Variants in GPR37L1 observed in about 807,000 individuals in gnomAD.
GPR37L1 encodes the protein G protein-coupled receptor 37 like 1.
Under a neutral mutation model 18.0 loss-of-function variants are expected in GPR37L1, and 18 were observed. That is an observed-to-expected ratio of 1.00 (90% CI 0.69 to 1.49). The LOEUF is 1.49. GPR37L1 is among the 40% of genes most tolerant of loss of function. The pLI, the probability that GPR37L1 is intolerant of heterozygous loss-of-function variation, is 0.00. For synonymous variants in GPR37L1, 256 were observed against 273.9 expected (o/e 0.93, Z 0.65); for missense variants, 558 against 615.1 (o/e 0.91, Z 0.98).
Position 202,124,351 on chromosome 1 carries a change from C to T in GPR37L1, c.630+758C>T, listed in dbSNP as rs371861822. Among the ~76,000 whole-genome samples the T allele has an allele frequency of 4.6e-5, 7 of 152,300 alleles. No individual in the cohort carries two copies. The South Asian group carries it at 8.3e-4, about 18-fold the overall frequency. On this transcript the variant is annotated intron_variant, in intron 1 of 1. Coordinates refer to ENST00000367282, the MANE Select transcript of GPR37L1 (RefSeq NM_004767.5). ...CAATTTCTTTATCTCCCAACCAGGG[C>T]GGGTAGACCAGATGGTCCTTCCAGC...
intron 1 of GPR37L1, among the ~76,000 whole-genome samples, chr1:202,126,890 C>A (rs1036491554): frequency 6.7e-6 from 1 of 150,134 alleles, no homozygotes; most frequent in Non-Finnish European, 1.5e-5. Context: ...CCATGTTCCC[C>A]AAGACCATTC....
rs1199628938 is a variant in GPR37L1 at position 202,129,777 on chromosome 1, G to C, written c.*1221G>C. 4 of 152,318 alleles carry C rather than the reference G, an allele frequency of 2.6e-5. No homozygotes were observed. The highest frequency in any genetic ancestry group is 7.2e-5 in the African/African-American group (3 of 41,434). The allele number at this position is 152,318 out of a possible 1,614,324, so 9.4% of individuals were successfully genotyped here. The stretch of plus-strand genomic sequence containing the variant: ...CCTGGCCTAAACCCCATGCTCCTTG[G>C]GAAGTCAAAAGCCTGGAAAATATCT... On this transcript the variant is annotated 3_prime_UTR_variant, in exon 2 of 2. Coordinates refer to ENST00000367282, the MANE Select transcript of GPR37L1 (RefSeq NM_004767.5).
intron 1 of GPR37L1, among the ~76,000 whole-genome samples, chr1:202,126,832 A>AACGT (rs1429111451): frequency 1.2e-5 from 1 of 81,008 alleles, no homozygotes; most frequent in Non-Finnish European, 2.7e-5. Flanking sequence ...CAGGAGCAGA[A>AACGT]ACGTGCGTGT....
chr1:202,124,067 A>C (rs1431778353), intron 1 of GPR37L1, among the ~76,000 whole-genome samples: 1 of 152,102 alleles, frequency 6.6e-6, no homozygotes, highest in Non-Finnish European at 1.5e-5. Context: ...GCCTGAAGGG[A>C]GAGCCCAATT....
intron 1 of GPR37L1, among the ~76,000 whole-genome samples, chr1:202,125,364 T>C (rs1403493902): frequency 2.6e-5 from 4 of 152,084 alleles, no homozygotes; most frequent in East Asian, 1.9e-4. Flanking sequence ...AATTTCCTCA[T>C]TGGTAAATTG....
In GPR37L1 at chr1:202,128,460, G is replaced by C. The variant is rs1304619602; in HGVS notation, c.1350G>C (p.Gly450=). The change falls in exon 2 of 2, where the codon GGG becomes GGC. Residue 450 remains glycine, a synonymous_variant. Coordinates refer to ENST00000367282, the MANE Select transcript of GPR37L1 (RefSeq NM_004767.5). ...CTTCGGAGGCCTCTGCTGCCAATGG[G>C]TCGGACAACAAGCTCAAGACCGAGG... is the stretch of plus-strand genomic sequence containing the variant. ...GGASEASAAN[G]SDNKLKTEVS... is the part of the protein sequence containing the mutation. 2 of 1,610,372 alleles carry C rather than the reference G, an allele frequency of 1.2e-6. No individual in the cohort carries two copies. The highest frequency in any genetic ancestry group is 2.2e-5 in the South Asian group (2 of 90,598).
At position 202,128,724 on chromosome 1, in the gene GPR37L1, TCCTGTCCCTTGTGGGGCCTTCCAAC is replaced by T; in HGVS notation, c.*176_*200del. The stretch of plus-strand genomic sequence containing the variant: ...AAGCCCCCTCCCCACACAGGGCCTT[TCCTGTCCCTTGTGGGGCCTTCCAAC>T]CCTGTCCTTTCCACTGGTGGGCGGT... On this transcript the variant is annotated 3_prime_UTR_variant, in exon 2 of 2. Coordinates refer to ENST00000367282, the MANE Select transcript of GPR37L1 (RefSeq NM_004767.5). 1.0e-5 allele frequency: 6 copies of T among 593,126 alleles called. No homozygotes were observed. The highest frequency in any genetic ancestry group is 1.8e-5 in the Non-Finnish European group (6 of 332,996). The allele number at this position is 593,126 out of a possible 1,614,324, so 36.7% of individuals were successfully genotyped here.
Position 202,126,583 on chromosome 1 carries a change from A to AG in GPR37L1, c.631-1153dup, listed in dbSNP as rs1654664963. On this transcript the variant is annotated intron_variant, in intron 1 of 1. Coordinates refer to ENST00000367282, the MANE Select transcript of GPR37L1 (RefSeq NM_004767.5). ...CAGAAGAGGGAAGAATTTGGACAGG[A>AG]GGGGGATCTGAGCACAATCCCTGAG... Among the ~76,000 whole-genome samples the AG allele has an allele frequency of 2.0e-5, 3 of 152,054 alleles. No homozygotes were observed. In the South Asian group the frequency reaches 6.2e-4, roughly 32 times the overall value.
chr1:202,127,126 A>T (rs568991308), intron 1 of GPR37L1, among the ~76,000 whole-genome samples: 14 of 152,294 alleles, frequency 9.2e-5, no homozygotes, highest in African/African-American at 3.4e-4. Context: ...ATTCATCAGC[A>T]GTGTGGTCCT....
At chr1:202,127,703 ACC>A in intron 1 of GPR37L1, 36 bp from the exon 2 acceptor site, 1 of 1,423,708 alleles carries the variant, frequency 7.0e-7, no homozygotes, top group Admixed American at 2.2e-5. Flanking sequence ...ATAGATTTTG[ACC>A]AAGTGCTTCT....
Position 202,127,809 on chromosome 1 carries a change from C to G in GPR37L1, c.699C>G (p.Thr233=). The change falls in exon 2 of 2, where the codon ACC becomes ACG. Residue 233 remains threonine, a synonymous_variant. Transcript: ENST00000367282. ...GCATTGACCGCTTCCACGTGGCCAC[C>G]AGCACCCTGCCCAAGGTGAGGCCCA... ...ALGIDRFHVA[T]STLPKVRPIE... 6.2e-7 allele frequency: 1 copy of G among 1,612,716 alleles called. No individual in the cohort carries two copies. Among genetic ancestry groups the G allele is most frequent in the South Asian group, 1.1e-5 (1 of 90,864 alleles).
chr1:202,130,704 T>G lies in GPR37L1; in HGVS notation c.*2148T>G, dbSNP rs992261629. ...GAGGGGACCAAAGGCAGGCCTGTCGTGCTGAAGCTCTTGGGGACCGTTTCC... is the reference window on the plus strand; with the variant it reads ...GAGGGGACCAAAGGCAGGCCTGTCGGGCTGAAGCTCTTGGGGACCGTTTCC... On this transcript the variant is annotated 3_prime_UTR_variant, in exon 2 of 2. Coordinates refer to ENST00000367282, the MANE Select transcript of GPR37L1 (RefSeq NM_004767.5). 5 of 152,328 alleles carry G rather than the reference T, an allele frequency of 3.3e-5. No individual in the cohort carries two copies. The highest frequency in any genetic ancestry group is 1.3e-4 in the Admixed American group (2 of 15,280). The allele number at this position is 152,328 out of a possible 1,614,324, so 9.4% of individuals were successfully genotyped here.
chr1:202,124,369 C>G (rs1384021433), intron 1 of GPR37L1, among the ~76,000 whole-genome samples: 2 of 152,192 alleles, frequency 1.3e-5, no homozygotes, highest in Non-Finnish European at 2.9e-5. Context: ...CCAGATGGTC[C>G]TTCCAGCTGG....
rs1291735950 is a variant in GPR37L1 at position 202,129,513 on chromosome 1, T to C, written c.*957T>C. 6.6e-6 allele frequency: 1 copy of C among 152,272 alleles called. No individual in the cohort carries two copies. The highest frequency in any genetic ancestry group is 1.9e-4 in the East Asian group (1 of 5,194). The allele number at this position is 152,272 out of a possible 1,614,324, so 9.4% of individuals were successfully genotyped here. On this transcript the variant is annotated 3_prime_UTR_variant, in exon 2 of 2. Coordinates refer to ENST00000367282, the MANE Select transcript of GPR37L1 (RefSeq NM_004767.5). ...AATAAACTAGGTAGAACTACCCCTA[T>C]GCCCATCCACTTTCTTGTGCCACAT... is the stretch of plus-strand genomic sequence containing the variant.
rs1277809235 is a variant in GPR37L1, at chr1:202,130,255, G to A, written c.*1699G>A. On this transcript the variant is annotated 3_prime_UTR_variant, in exon 2 of 2. Coordinates refer to ENST00000367282, the MANE Select transcript of GPR37L1 (RefSeq NM_004767.5). ...CTCAGAACCACCCCCCCTGTCTGAA[G>A]CTCTGTCCTGGGTCCCACCAGACTT... 1.3e-5 allele frequency: 2 copies of A among 152,510 alleles called. No homozygotes were observed. Among genetic ancestry groups the A allele is most frequent in the African/African-American group, 4.8e-5 (2 of 41,450 alleles). 9.4% of individuals were successfully genotyped at this position (152,510 alleles called of 1,614,324 possible). A position where few individuals can be genotyped will look rare whatever the true frequency, so the allele number is the denominator to read the frequency against.
intron 1 of GPR37L1, among the ~76,000 whole-genome samples, chr1:202,124,083 C>T (rs1654585698): frequency 6.6e-6 from 1 of 152,212 alleles, no homozygotes; most frequent in Non-Finnish European, 1.5e-5. Context: ...CAATTTCCTT[C>T]ACACCCCTCT....
In GPR37L1 at chr1:202,133,095, C is replaced by T. The variant is rs1654903304; in HGVS notation, c.*4539C>T. 1 of 152,424 alleles carries T rather than the reference C, an allele frequency of 6.6e-6. No individual in the cohort carries two copies. Among genetic ancestry groups the T allele is most frequent in the African/African-American group, 2.4e-5 (1 of 41,458 alleles). 9.4% of individuals were successfully genotyped at this position (152,424 alleles called of 1,614,324 possible). A position where few individuals can be genotyped will look rare whatever the true frequency, so the allele number is the denominator to read the frequency against. The stretch of plus-strand genomic sequence containing the variant: ...CGCACACAACAGCACCCAGCCCTGT[C>T]CCCTTGCTGCCTCTACCCAGCCCTG... On this transcript the variant is annotated 3_prime_UTR_variant, in exon 2 of 2. Coordinates refer to ENST00000367282, the MANE Select transcript of GPR37L1 (RefSeq NM_004767.5).
rs1654852872 is a variant in GPR37L1, at chr1:202,131,561, C to T, written c.*3005C>T. On this transcript the variant is annotated 3_prime_UTR_variant, in exon 2 of 2. Transcript: ENST00000367282. The stretch of plus-strand genomic sequence containing the variant: ...CCAAACATGACAATTTACCTATACT[C>T]ATGGTCTGTTCCCATTCAACTTTAA... 6.6e-6 allele frequency: 1 copy of T among 152,142 alleles called. No homozygotes were observed. The highest frequency in any genetic ancestry group is 2.1e-4 in the South Asian group (1 of 4,824). 9.4% of individuals were successfully genotyped at this position (152,142 alleles called of 1,614,324 possible).
At position 202,132,477 on chromosome 1, in the gene GPR37L1, G is replaced by A. The variant is rs554411233; in HGVS notation, c.*3921G>A. 7.9e-5 allele frequency: 12 copies of A among 152,492 alleles called. No homozygotes were observed. Among genetic ancestry groups the A allele is most frequent in the African/African-American group, 2.9e-4 (12 of 41,590 alleles). 9.4% of individuals were successfully genotyped at this position (152,492 alleles called of 1,614,324 possible). On this transcript the variant is annotated 3_prime_UTR_variant, in exon 2 of 2. Transcript: ENST00000367282. ...GTCTGATGACTGCCTCCAGGAGGAA[G>A]CCCTGGGCACCAATGAAGGTGAGGG...
Sources: allele counts gnomAD v4.1 joint callset (sites outside exome capture counted in the v4.1 genomes callset), GRCh38; gene constraint gnomAD v4.1.1; transcripts MANE v1.5; gene names NCBI Gene and HGNC (gene_info 2026-07-23, HGNC 2026-07-21).